Variants in ETHE1 observed in about 807,000 individuals in gnomAD.
ETHE1 encodes the protein ETHE1 persulfide dioxygenase.
A neutral mutation model predicts 25.7 loss-of-function variants in ETHE1; 16 were observed. The ratio of observed to expected loss-of-function variants is 0.62; its 90% CI spans 0.42 to 0.95. The LOEUF is 0.95. ETHE1 is among the 40% of genes least tolerant of loss of function. ETHE1 has a pLI of 0.00. For synonymous variants in ETHE1, 139 were observed against 135.9 expected, an observed-to-expected ratio of 1.02 and a Z score of -0.16; for missense variants, 300 against 333.6, an observed-to-expected ratio of 0.90 and a Z score of 0.79.
chr19:43,517,626 T>C (rs375874211), intron 3 of ETHE1, among the ~76,000 whole-genome samples: 4 of 151,028 alleles, frequency 2.6e-5, no homozygotes, highest in South Asian at 4.2e-4. Context: ...AACATACAAA[T>C]ATTAGTCAGG....
chr19:43,526,133 G>C, intron 3 of ETHE1, 68 bp downstream of exon 3: 1 of 1,610,926 alleles, frequency 6.2e-7, no homozygotes, highest in Admixed American at 1.7e-5. Context: ...CAGGCCCCCA[G>C]TCCCCTCTTC....
intron 3 of ETHE1, among the ~76,000 whole-genome samples, chr19:43,511,941 C>T (rs926955236): frequency 2.0e-5 from 3 of 152,010 alleles, no homozygotes; most frequent in Non-Finnish European, 4.4e-5. Context: ...GCAGGTTTTT[C>T]CCATGCTGTC....
At position 43,526,360 on chromosome 19, in the gene ETHE1, G is replaced by A. The variant is rs376275256; in HGVS notation, c.227-11C>T. 2 of 1,614,138 alleles carry A rather than the reference G, an allele frequency of 1.2e-6. No homozygotes were observed. The highest frequency in any genetic ancestry group is 4.5e-5 in the East Asian group (2 of 44,878). ...GGCAGTGGGTATTCACTGGGAGAGAGAGGAGGGACAGGTCCGGAGGGTACA... is the reference window on the plus strand; with the variant it reads ...GGCAGTGGGTATTCACTGGGAGAGAAAGGAGGGACAGGTCCGGAGGGTACA... On this transcript the variant is annotated splice_polypyrimidine_tract_variant and intron_variant, in intron 2 of 6. Coordinates refer to ENST00000292147, the MANE Select transcript of ETHE1 (RefSeq NM_014297.5).
chr19:43,523,255 T>A lies in ETHE1; in HGVS notation c.375+2946A>T, dbSNP rs139728201. 8.0e-4 allele frequency among the ~76,000 whole-genome samples: 122 copies of A among 152,290 alleles called. No homozygotes were observed. The South Asian group carries it at 0.013, about 17-fold the overall frequency. On this transcript the variant is annotated intron_variant, in intron 3 of 6. Coordinates refer to ENST00000292147, the MANE Select transcript of ETHE1 (RefSeq NM_014297.5). ...TGGACTCCTTTCATTCCATGAATGT[T>A]AACAACTCGGTTTTGTTTGTTTGTT...
intron 3 of ETHE1, among the ~76,000 whole-genome samples, chr19:43,512,373 G>T (rs1344294704): frequency 6.6e-6 from 1 of 152,188 alleles, no homozygotes; most frequent in Non-Finnish European, 1.5e-5. Context: ...AGAGTGATAT[G>T]AACAATGAAG....
Position 43,527,187 on chromosome 19 carries a change from T to G in ETHE1, c.-10A>C. On this transcript the variant is annotated 5_prime_UTR_variant, in exon 1 of 7. Transcript: ENST00000292147. ...GTACAGCCTCCGCCATCGCGCCCACTGCGGGGTCAGGAATGAGCGGAGGCC... is the reference window on the plus strand; with the variant it reads ...GTACAGCCTCCGCCATCGCGCCCACGGCGGGGTCAGGAATGAGCGGAGGCC... 2.6e-6 allele frequency: 4 copies of G among 1,536,392 alleles called. No homozygotes were observed. The highest frequency in any genetic ancestry group is 2.4e-5 in the East Asian group (1 of 40,876).
intron 3 of ETHE1, among the ~76,000 whole-genome samples, chr19:43,523,863 G>A (rs190828523): frequency 1.6e-3 from 240 of 152,044 alleles, no homozygotes; most frequent in Non-Finnish European, 2.9e-3. Flanking sequence ...TTGCGCTCAG[G>A]AGGCAGAGGC....
chr19:43,526,340 T>C lies in ETHE1; in HGVS notation c.236A>G (p.His79Arg), dbSNP rs778409766. The change falls in exon 3 of 7, where the codon CAC becomes CGC. Residue 79 changes from histidine (H) to arginine (R), a missense_variant. By Grantham distance (29) the His-to-Arg change is conservative (BLOSUM62 0). Transcript: ENST00000292147. Reference protein sequence around the residue: ...GLRLLYAVNTHCHADHITGSG... With the variant: ...GLRLLYAVNTRCHADHITGSG... ...GCCTGTAATGTGGTCCGCGTGGCAGTGGGTATTCACTGGGAGAGAGAGGAG... is the reference window on the plus strand; with the variant it reads ...GCCTGTAATGTGGTCCGCGTGGCAGCGGGTATTCACTGGGAGAGAGAGGAG... 2 of 1,613,982 alleles carry C rather than the reference T, an allele frequency of 1.2e-6. No individual in the cohort carries two copies. The highest frequency in any genetic ancestry group is 1.7e-6 in the Non-Finnish European group (2 of 1,179,980).
chr19:43,516,710 C>T (rs1469430403), intron 3 of ETHE1, among the ~76,000 whole-genome samples: 1 of 147,680 alleles, frequency 6.8e-6, no homozygotes. Flanking sequence ...ACTGCAACCT[C>T]GGCCTCCTGG....
At chr19:43,519,683 A>C (rs1274305298) in intron 3 of ETHE1, among the ~76,000 whole-genome samples, 5 of 152,152 alleles carry the variant, frequency 3.3e-5, no homozygotes, top group African/African-American at 9.7e-5. Flanking sequence ...CCTGGTGGCA[A>C]GTAAGCTCTC....
chr19:43,521,049 T>C (rs2599454), intron 3 of ETHE1, among the ~76,000 whole-genome samples: 103,746 of 152,034 alleles, frequency 0.68, 35,378 homozygotes, highest in East Asian at 0.73. Context: ...AAAGAAAACT[T>C]GGGCCAGGTG....
chr19:43,518,797 G>A (rs906422704), intron 3 of ETHE1, among the ~76,000 whole-genome samples: 1 of 149,866 alleles, frequency 6.7e-6, no homozygotes, highest in African/African-American at 2.5e-5. Flanking sequence ...TTTGTTAGAC[G>A]TGACAAAGGT....
chr19:43,518,994 T>TG (rs1972081754), intron 3 of ETHE1, among the ~76,000 whole-genome samples: 3 of 135,410 alleles, frequency 2.2e-5, no homozygotes, highest in Admixed American at 1.6e-4. Context: ...ATGAAATTTG[T>TG]GCTTGTTTTT....
chr19:43,517,497 G>A (rs7253177), intron 3 of ETHE1, among the ~76,000 whole-genome samples: 24,545 of 144,862 alleles, frequency 0.17, 2,201 homozygotes, highest in Non-Finnish European at 0.19. Context: ...AAAATTAGCC[G>A]AAGCCAGGCA....
At chr19:43,509,931 C>G (rs1971876101) in intron 4 of ETHE1, among the ~76,000 whole-genome samples, 2 of 152,174 alleles carry the variant, frequency 1.3e-5, no homozygotes, top group Non-Finnish European at 2.9e-5. Flanking sequence ...CCTTGCATTT[C>G]GGCCTAAATC....
chr19:43,507,061 C>G (rs1356235652), intron 6 of ETHE1, among the ~76,000 whole-genome samples, 159 bp from the exon 7 acceptor site: 1 of 150,538 alleles, frequency 6.6e-6, no homozygotes, highest in African/African-American at 2.4e-5. Flanking sequence ...GTACCCCAGC[C>G]CCTCCTCCCT....
At position 43,527,151 on chromosome 19, in the gene ETHE1, GGCGACCCT is replaced by G; in HGVS notation, c.19_26del (p.Arg7ProfsTer33). ...CGCCGCGCTGGCTCAGCTGCCGCCG[GGCGACCCT>G]CAGTACAGCCTCCGCCATCGCGCCC... On this transcript the variant is annotated frameshift_variant, in exon 1 of 7. Coordinates refer to ENST00000292147, the MANE Select transcript of ETHE1 (RefSeq NM_014297.5). LOFTEE classifies it high-confidence loss of function. 6.5e-7 allele frequency: 1 copy of G among 1,546,758 alleles called. No individual in the cohort carries two copies. Among genetic ancestry groups the G allele is most frequent in the Non-Finnish European group, 8.7e-7 (1 of 1,150,062 alleles).
chr19:43,506,726 A>T lies in ETHE1; in HGVS notation c.*124T>A. 4 of 950,564 alleles carry T rather than the reference A, an allele frequency of 4.2e-6. No individual in the cohort carries two copies. Among genetic ancestry groups the T allele is most frequent in the South Asian group, 2.7e-5 (2 of 74,556 alleles). 58.9% of individuals were successfully genotyped at this position (950,564 alleles called of 1,614,324 possible). A position where few individuals can be genotyped will look rare whatever the true frequency, so the allele number is the denominator to read the frequency against. ...AATAGGTAGAAGTCAGACTCACGTT[A>T]AAAAAAGTTTTATTTAGGGAGCTCC... On this transcript the variant is annotated 3_prime_UTR_variant, in exon 7 of 7. Transcript: ENST00000292147.
chr19:43,506,958 C>G, intron 6 of ETHE1, 56 bp from the exon 7 acceptor site: 1 of 1,566,176 alleles, frequency 6.4e-7, no homozygotes, highest in Non-Finnish European at 8.8e-7. Flanking sequence ...TTCCAGGCCC[C>G]ACTGGAGACC....
Sources: gnomAD v4.1 joint callset for allele counts (sites outside exome capture counted in the v4.1 genomes callset) on GRCh38, gnomAD v4.1.1 for gene constraint, MANE v1.5 for transcripts, NCBI Gene and HGNC (gene_info 2026-07-23, HGNC 2026-07-21) for gene names.